The following GCN1 variants were observed in gnomAD, a reference collection of about 807,000 sequenced individuals.
GCN1 encodes the protein GCN1 activator of EIF2AK4.
A neutral mutation model predicts 288.4 loss-of-function variants in GCN1; 90 were observed. The observed-to-expected ratio is 0.31, with a 90% CI of 0.26 to 0.37. The LOEUF (loss-of-function observed/expected upper bound fraction) is 0.37. GCN1 is among the 10% of genes least tolerant of loss of function. The pLI is 1.00. For synonymous variants in GCN1, 1,386 were observed against 1,420.2 expected, an observed-to-expected ratio of 0.98 and a Z score of 0.54; for missense variants, 2,586 against 3,419.9, an observed-to-expected ratio of 0.76 and a Z score of 6.08.
At position 120,158,559 on chromosome 12, in the gene GCN1, T is replaced by C; in HGVS notation, c.2806A>G (p.Lys936Glu). Residue 936 changes from lysine to glutamate, a missense_variant, in exon 25 of 58, where the codon AAG becomes GAG. Coordinates refer to ENST00000300648, the MANE Select transcript of GCN1 (RefSeq NM_006836.2). The surrounding 1 kb of genome is among the most constrained non-coding windows in gnomAD (Gnocchi z 4.3). Reference sequence around the variant, plus strand: ...GACAGCTCTTCCTGGCACCAGGACTTATCCAGGACACACTCTGGCTTCAGC... The same window carrying C: ...GACAGCTCTTCCTGGCACCAGGACTCATCCAGGACACACTCTGGCTTCAGC... ...RLLKPECVLD[K>E]SWCQEELSVA... is the part of the protein sequence containing the mutation. The C allele has an allele frequency of 6.2e-7, 1 of 1,605,658 alleles. No homozygotes were observed. The highest frequency in any genetic ancestry group is 8.5e-7 in the Non-Finnish European group (1 of 1,175,972).
At position 120,163,274 on chromosome 12, in the gene GCN1, A is replaced by T; in HGVS notation, c.1849-15T>A. 1 of 1,605,684 alleles carries T rather than the reference A, an allele frequency of 6.2e-7. No homozygotes were observed. Among genetic ancestry groups the T allele is most frequent in the South Asian group, 1.1e-5 (1 of 90,910 alleles). ...AAGGGCAGCACCTGTGTGGAGACAC[A>T]TGAGATAATACTGCTAAGAGCCCTG... is the stretch of plus-strand genomic sequence containing the variant. On this transcript the variant is annotated splice_polypyrimidine_tract_variant and intron_variant, in intron 18 of 57. Transcript: ENST00000300648.
chr12:120,129,687 C>T (rs1242260397), intron 56 of GCN1, among the ~76,000 whole-genome samples, 193 bp from the exon 57 acceptor site: 1 of 152,192 alleles, frequency 6.6e-6, no homozygotes, highest in East Asian at 1.9e-4. Flanking sequence ...TTGCTCACTA[C>T]TCTCAGCCCG....
chr12:120,162,196 GTGGCCGGCTGGAGTC>G, intron 20 of GCN1, 138 bp from the exon 21 acceptor site: 1 of 695,338 alleles, frequency 1.4e-6, no homozygotes, highest in South Asian at 1.9e-5. Context: ...GCCCATCACA[GTGGCCGGCTGGAGTC>G]TGCGTCTGCT....
At chr12:120,143,474 C>T (rs1397189042) in intron 42 of GCN1, among the ~76,000 whole-genome samples, 2 of 151,784 alleles carry the variant, frequency 1.3e-5, no homozygotes, top group Non-Finnish European at 2.9e-5. Flanking sequence ...CCCAGCTACT[C>T]GGAAGGCTGA....
intron 5 of GCN1, among the ~76,000 whole-genome samples, chr12:120,180,668 T>A (rs534261623): frequency 3.3e-4 from 49 of 149,808 alleles, no homozygotes; most frequent in African/African-American, 1.2e-3. Context: ...CACTAGTGAG[T>A]CGTGTGAACT....
chr12:120,189,055 G>T (rs574019772), intron 2 of GCN1, among the ~76,000 whole-genome samples: 1 of 152,088 alleles, frequency 6.6e-6, no homozygotes, highest in Admixed American at 6.6e-5. Flanking sequence ...TGTGCAGGGA[G>T]GGGGGAAGAA....
intron 1 of GCN1, among the ~76,000 whole-genome samples, chr12:120,193,202 A>C (rs113362429): frequency 1.9e-3 from 282 of 152,330 alleles, no homozygotes; most frequent in African/African-American, 6.3e-3. Flanking sequence ...AAAATACAAA[A>C]ATTATAAAAT....
intron 1 of GCN1, among the ~76,000 whole-genome samples, chr12:120,193,376 G>A (rs902146333): frequency 2.6e-5 from 4 of 152,004 alleles, no homozygotes; most frequent in African/African-American, 9.7e-5. Flanking sequence ...TGCGATCTCA[G>A]CTCACTGCAA....
At position 120,127,783 on chromosome 12, in the gene GCN1, T is replaced by C. The variant is rs1876663382; in HGVS notation, c.*66A>G. The C allele has an allele frequency of 2.6e-6, 4 of 1,563,994 alleles. No individual in the cohort carries two copies. The highest frequency in any genetic ancestry group is 2.6e-6 in the Non-Finnish European group (3 of 1,141,730). ...TCCAAGCTCCCCATTGGAACAAATG[T>C]ATTTTCAAAAATGAAAACATTGAGC... On this transcript the variant is annotated 3_prime_UTR_variant, in exon 58 of 58. Transcript: ENST00000300648.
intron 5 of GCN1, among the ~76,000 whole-genome samples, 184 bp downstream of exon 5, chr12:120,183,385 A>G (rs1467577948): frequency 6.6e-6 from 1 of 152,178 alleles, no homozygotes; most frequent in Non-Finnish European, 1.5e-5. Flanking sequence ...AATGTCTAAT[A>G]CACCAAACAA....
chr12:120,145,301 C>G lies in GCN1; in HGVS notation c.4977G>C (p.Thr1659=). The change falls in exon 39 of 58, where the codon ACG becomes ACC. Residue 1659 remains threonine (T), a synonymous_variant. Coordinates refer to ENST00000300648, the MANE Select transcript of GCN1 (RefSeq NM_006836.2). ...CCAAAAGCGATGCTTTCAGGCCAGG[C>G]GTCACGCTGGGCAGGTACGGAGCCA... is the stretch of plus-strand genomic sequence containing the variant. The part of the protein sequence containing the change: ...KDLAPYLPSV[T]PGLKASLLDP... The G allele has an allele frequency of 6.2e-7, 1 of 1,600,838 alleles. No individual in the cohort carries two copies. Among genetic ancestry groups the G allele is most frequent in the Non-Finnish European group, 8.5e-7 (1 of 1,173,544 alleles).
chr12:120,162,803 C>T, intron 20 of GCN1, 44 bp downstream of exon 20: 2 of 1,601,264 alleles, frequency 1.2e-6, no homozygotes, highest in Non-Finnish European at 1.7e-6. Context: ...GATGAGAGGG[C>T]CCCCTCCCGG....
At position 120,136,394 on chromosome 12, in the gene GCN1, C is replaced by T. The variant is rs373067387; in HGVS notation, c.7008+108G>A. ...CAAGGTCTTACCTCCCTCTGCTATG[C>T]GGCTCTCCACAATAAATCTGTTGCC... On this transcript the variant is annotated intron_variant, in intron 51 of 57. Coordinates refer to ENST00000300648, the MANE Select transcript of GCN1 (RefSeq NM_006836.2). The T allele has an allele frequency of 3.4e-4, 274 of 803,364 alleles. No homozygotes were observed. The East Asian group carries it at 6.3e-3, about 18-fold the overall frequency. 49.8% of individuals were successfully genotyped at this position (803,364 alleles called of 1,614,324 possible).
At chr12:120,162,208 A>T (rs922950172) in intron 20 of GCN1, 150 bp from the exon 21 acceptor site, 10 of 643,546 alleles carry the variant, frequency 1.6e-5, no homozygotes, top group Non-Finnish European at 2.4e-5. Flanking sequence ...GGCCGGCTGG[A>T]GTCTGCGTCT....
At chr12:120,163,020 C>T (rs774929486) in intron 19 of GCN1, 49 bp from the exon 20 acceptor site, 6 of 1,613,526 alleles carry the variant, frequency 3.7e-6, no homozygotes, top group Admixed American at 1.7e-5. Context: ...CCTGCTCTTA[C>T]CCCATCCCCT....
chr12:120,166,732 C>T (rs1476911224), intron 16 of GCN1, among the ~76,000 whole-genome samples: 1 of 150,858 alleles, frequency 6.6e-6, no homozygotes, highest in Non-Finnish European at 1.5e-5. Context: ...TTACTAAGGC[C>T]AGGCACGATG....
chr12:120,179,112 C>A (rs1457329185), intron 5 of GCN1, among the ~76,000 whole-genome samples, 162 bp from the exon 6 acceptor site: 1 of 152,240 alleles, frequency 6.6e-6, no homozygotes, highest in Non-Finnish European at 1.5e-5. Context: ...CCCTCCACCC[C>A]ACACATTTAG....
rs929224166 is a variant in GCN1 at position 120,131,291 on chromosome 12, C to A, written c.7457G>T (p.Ser2486Ile). 4 of 1,614,072 alleles carry A rather than the reference C, an allele frequency of 2.5e-6. No homozygotes were observed. The highest frequency in any genetic ancestry group is 1.3e-5 in the African/African-American group (1 of 75,054). The part of the protein sequence containing the change: ...GIDWMVRHGR[S>I]LALSVAVNVA... ...ATTCACAGCCACGGAAAGTGCCAGG[C>A]TCCGCCCGTGCCGAACCATCCAGTC... Residue 2486 changes from serine to isoleucine, a missense_variant, in exon 55 of 58, where the codon AGC becomes ATC. Ser to Ile is a moderately radical substitution (Grantham distance 142). Coordinates refer to ENST00000300648, the MANE Select transcript of GCN1 (RefSeq NM_006836.2).
chr12:120,153,801 T>G lies in GCN1; in HGVS notation c.3810A>C (p.Pro1270=). The stretch of plus-strand genomic sequence containing the variant: ...CATCCAACATGCACTTCCGGACATC[T>G]GGGTGTCGGTCATTGAGGGCATCAG... ...FVPDALNDRH[P]DVRKCMLDAA... is the part of the protein sequence containing the mutation. Residue 1270 remains proline (P), a synonymous_variant, in exon 32 of 58, where the codon CCA becomes CCC. Transcript: ENST00000300648. This position sits in a 1 kb window ranked among gnomAD's most constrained non-coding sequence, Gnocchi z 4.4. The G allele has an allele frequency of 6.2e-7, 1 of 1,614,132 alleles. No homozygotes were observed. The highest frequency in any genetic ancestry group is 8.5e-7 in the Non-Finnish European group (1 of 1,179,976).
Sources: allele counts gnomAD v4.1 joint callset (sites outside exome capture counted in the v4.1 genomes callset), GRCh38; gene constraint gnomAD v4.1.1; non-coding constraint Gnocchi (gnomAD v3.1); transcripts MANE v1.5; gene names NCBI Gene and HGNC (gene_info 2026-07-23, HGNC 2026-07-21).